The following CSGALNACT1 variants were observed in gnomAD, a reference collection of about 807,000 sequenced individuals.
CSGALNACT1 encodes the protein chondroitin sulfate N-acetylgalactosaminyltransferase 1, also known as beta4GalNAcT-1.
In CSGALNACT1, 52 loss-of-function variants were observed where a neutral mutation model predicts 51.0. The ratio of observed to expected loss-of-function variants is 1.02; its 90% CI spans 0.82 to 1.29. The LOEUF is 1.29. CSGALNACT1 is among the 50% of genes most tolerant of loss of function. The pLI is 0.00. For missense variants in CSGALNACT1, 935 were observed against 679.2 expected (o/e 1.38, Z -4.19); for synonymous variants, 341 against 254.4 (o/e 1.34, Z -3.24).
intron 3 of CSGALNACT1, among the ~76,000 whole-genome samples, chr8:19,544,768 T>C (rs1037149274): frequency 7.9e-5 from 12 of 152,202 alleles, no homozygotes; most frequent in African/African-American, 2.4e-4. Context: ...TGTACAGTTT[T>C]AACTGCATAA....
intron 3 of CSGALNACT1, among the ~76,000 whole-genome samples, chr8:19,534,286 T>A (rs2083332569): frequency 6.6e-6 from 1 of 152,172 alleles, no homozygotes; most frequent in South Asian, 2.1e-4. Context: ...ACCTCATCTC[T>A]ACCAAAAAAA....
At chr8:19,687,007 GA>G (rs2061015518), upstream of CSGALNACT1, among the ~76,000 whole-genome samples, 1 of 152,150 alleles carries the variant, frequency 6.6e-6, no homozygotes. Context: ...CATATGCTAG[GA>G]AACACAAGCA....
chr8:19,513,483 G>C (rs1005573677), intron 3 of CSGALNACT1, among the ~76,000 whole-genome samples: 1 of 133,086 alleles, frequency 7.5e-6, no homozygotes, highest in African/African-American at 2.7e-5. Flanking sequence ...TCTGCCTGCT[G>C]TTAAAGAAAA....
At chr8:19,674,632 G>T (rs573109476) in intron 1 of CSGALNACT1, among the ~76,000 whole-genome samples, 1 of 152,298 alleles carries the variant, frequency 6.6e-6, no homozygotes, top group African/African-American at 2.4e-5. Context: ...TGATAGGTAA[G>T]CAGTGATTGG....
At chr8:19,439,737 G>A in intron 6 of CSGALNACT1, 93 bp downstream of exon 5, 2 of 989,616 alleles carry the variant, frequency 2.0e-6, no homozygotes, top group Non-Finnish European at 1.6e-6. Flanking sequence ...ACAGTGTAAA[G>A]GAAAATAAAA....
intron 3 of CSGALNACT1, among the ~76,000 whole-genome samples, chr8:19,554,512 G>T (rs1231297188): frequency 1.3e-5 from 2 of 152,226 alleles, no homozygotes; most frequent in African/African-American, 2.4e-5. Context: ...TTAAATAGAG[G>T]AACTAAAAAT....
At chr8:19,631,769 C>T (rs1254983104) in intron 1 of CSGALNACT1, among the ~76,000 whole-genome samples, 2 of 152,152 alleles carry the variant, frequency 1.3e-5, no homozygotes, top group Non-Finnish European at 2.9e-5. Flanking sequence ...CTTTCTTTAG[C>T]ATTTCTGGAT....
At chr8:19,744,765 C>A (rs1274005555) in intron 1 of CSGALNACT1, among the ~76,000 whole-genome samples, 4 of 152,198 alleles carry the variant, frequency 2.6e-5, no homozygotes, top group Non-Finnish European at 4.4e-5. Flanking sequence ...TATTCACGAA[C>A]ACAGTTTTTA....
At chr8:19,550,062 C>G (rs1427598336) in intron 3 of CSGALNACT1, among the ~76,000 whole-genome samples, 2 of 152,160 alleles carry the variant, frequency 1.3e-5, no homozygotes, top group African/African-American at 2.4e-5. Context: ...ACTCTTTCCA[C>G]ATGGAAATTC....
chr8:19,729,200 G>T (rs2063558242), intron 1 of CSGALNACT1, among the ~76,000 whole-genome samples: 1 of 151,876 alleles, frequency 6.6e-6, no homozygotes, highest in African/African-American at 2.4e-5. Context: ...ACACTCAGAA[G>T]TCTCTGAGCA....
chr8:19,755,957 G>A (rs995619359), intron 1 of CSGALNACT1, among the ~76,000 whole-genome samples: 1 of 152,134 alleles, frequency 6.6e-6, no homozygotes, highest in African/African-American at 2.4e-5. Context: ...CCATCTTCCG[G>A]CAGCCCAACA....
At chr8:19,530,171 A>C (rs540827688) in intron 3 of CSGALNACT1, among the ~76,000 whole-genome samples, 2 of 152,272 alleles carry the variant, frequency 1.3e-5, no homozygotes, top group South Asian at 4.1e-4. Flanking sequence ...CAGTGAGCCA[A>C]GATCACGCCA....
chr8:19,682,334 G>A (rs1423706479), intron 1 of CSGALNACT1: 1 of 296,334 alleles, frequency 3.4e-6, no homozygotes, highest in East Asian at 8.4e-5. Flanking sequence ...CAGAGTGTTT[G>A]CTAATGAGTT....
At chr8:19,686,217 A>G (rs2154212019), upstream of CSGALNACT1, among the ~76,000 whole-genome samples, 1 of 152,316 alleles carries the variant, frequency 6.6e-6, no homozygotes, top group Non-Finnish European at 1.5e-5. Context: ...GTTAAAAACA[A>G]ATGGCCATGC....
chr8:19,455,892 C>T (rs1013417269), intron 5 of CSGALNACT1, among the ~76,000 whole-genome samples: 4 of 152,318 alleles, frequency 2.6e-5, no homozygotes, highest in East Asian at 1.9e-4. Context: ...ACCTTGGTAG[C>T]ATGTCTAGCA....
chr8:19,572,992 G>C (rs1450638101), intron 3 of CSGALNACT1, among the ~76,000 whole-genome samples: 1 of 152,182 alleles, frequency 6.6e-6, no homozygotes, highest in East Asian at 1.9e-4. Context: ...AATTATACTT[G>C]TTACAACTGG....
intron 3 of CSGALNACT1, among the ~76,000 whole-genome samples, chr8:19,566,200 C>G (rs1212379262): frequency 6.6e-6 from 1 of 152,124 alleles, no homozygotes; most frequent in Non-Finnish European, 1.5e-5. Flanking sequence ...AATGTCATCA[C>G]ATGTATTCTT....
chr8:19,735,188 T>C (rs1264153598), intron 1 of CSGALNACT1, among the ~76,000 whole-genome samples: 2 of 152,092 alleles, frequency 1.3e-5, no homozygotes, highest in African/African-American at 2.4e-5. Context: ...ATCTCAGCAT[T>C]GGCTCTGGGT....
At chr8:19,481,212 T>C (rs2071292523) in intron 4 of CSGALNACT1, among the ~76,000 whole-genome samples, 1 of 152,156 alleles carries the variant, frequency 6.6e-6, no homozygotes, top group South Asian at 2.1e-4. Context: ...CGTGCCAGTC[T>C]TCTCATTTCC....
Sources: allele counts gnomAD v4.1 joint callset (sites outside exome capture counted in the v4.1 genomes callset), GRCh38; gene constraint gnomAD v4.1.1; transcripts MANE v1.5; gene names NCBI Gene and HGNC (gene_info 2026-07-23, HGNC 2026-07-21).